MYOF: variants seen among roughly 807,000 people sequenced by gnomAD.
MYOF encodes the protein myoferlin, also known as fer-1-like 3, myoferlin.
Under a neutral mutation model 284.2 loss-of-function variants are expected in MYOF, and 244 were observed. That is an observed-to-expected ratio of 0.86 (90% confidence interval 0.77 to 0.95). MYOF has a LOEUF of 0.95. MYOF is among the 40% of genes least tolerant of loss of function. The pLI is 0.00. For missense variants in MYOF, 2,496 were observed against 2,560.6 expected (o/e 0.97, Z 0.54); for synonymous variants, 904 against 919.7 (o/e 0.98, Z 0.31).
At position 93,353,931 on chromosome 10, in the gene MYOF, T is replaced by C. The variant is rs181294990; in HGVS notation, c.3404-43A>G. On this transcript the variant is annotated intron_variant, in intron 31 of 53. Transcript: ENST00000359263. ...AGATTACTTACAAGAAGCGTAACACTGTAAACTGCTATTTTACTGGAATAT... is the reference window on the plus strand; with the variant it reads ...AGATTACTTACAAGAAGCGTAACACCGTAAACTGCTATTTTACTGGAATAT... 4.2e-4 allele frequency: 607 copies of C among 1,439,344 alleles called. 1 individual carries two copies. The highest frequency in any genetic ancestry group is 9.7e-5 in the Non-Finnish European group (102 of 1,046,670). 89.2% of individuals were successfully genotyped at this position (1,439,344 alleles called of 1,614,324 possible).
chr10:93,406,293 T>C lies in MYOF; in HGVS notation c.730-2074A>G, dbSNP rs750629845. On this transcript the variant is annotated intron_variant, in intron 7 of 53. Coordinates refer to ENST00000359263, the MANE Select transcript of MYOF (RefSeq NM_013451.4). ...ATTTTTTTAGTAAACCTCTTTTATA[T>C]ATATATATATATATATATATATATT... Among the ~76,000 whole-genome samples, 44 of 75,570 alleles carry C rather than the reference T, an allele frequency of 5.8e-4. 1 individual carries two copies. Among genetic ancestry groups the C allele is most frequent in the Non-Finnish European group, 1.0e-3 (34 of 32,736 alleles). 49.6% of individuals were successfully genotyped at this position (75,570 alleles called of 152,430 possible). A position where few individuals can be genotyped will look rare whatever the true frequency, so the allele number is the denominator to read the frequency against.
intron 48 of MYOF, 134 bp downstream of exon 48, chr10:93,322,944 T>C (rs1225681342): frequency 1.2e-6 from 1 of 848,740 alleles, no homozygotes; most frequent in Admixed American, 2.0e-5. Context: ...GCTACCTAAG[T>C]AGATCACATT....
intron 18 of MYOF, 131 bp downstream of exon 18, chr10:93,388,897 CTT>C: frequency 8.1e-7 from 1 of 1,233,812 alleles, no homozygotes; most frequent in East Asian, 2.6e-5. Context: ...TCTCCACAGT[CTT>C]TTCCTATCTT....
At chr10:93,462,306 G>A (rs11187437) in intron 1 of MYOF, among the ~76,000 whole-genome samples, 26,563 of 152,006 alleles carry the variant, frequency 0.17, 2,640 homozygotes, top group East Asian at 0.5. Flanking sequence ...CTGACCTCAA[G>A]TGATCCGCTC....
intron 6 of MYOF, 80 bp from the exon 7 acceptor site, chr10:93,408,995 C>T: frequency 6.3e-7 from 1 of 1,585,714 alleles, no homozygotes; most frequent in Non-Finnish European, 8.6e-7. Flanking sequence ...TGCTTCATTT[C>T]CTTCACCTAT....
chr10:93,328,796 A>G lies in MYOF; in HGVS notation c.5098T>C (p.Tyr1700His). 1 of 1,613,540 alleles carries G rather than the reference A, an allele frequency of 6.2e-7. No homozygotes were observed. Among genetic ancestry groups the G allele is most frequent in the Non-Finnish European group, 8.5e-7 (1 of 1,179,518 alleles). Residue 1700 changes from tyrosine to histidine, a missense_variant, in exon 45 of 54, where the codon TAT becomes CAT. By Grantham distance (83) the Tyr-to-His change is moderately conservative. Transcript: ENST00000359263. Reference protein sequence around the residue: ...ILSEDGSRIRYGGRDYSLDEF... With the variant: ...ILSEDGSRIRHGGRDYSLDEF... ...TCCAAGCTGTAGTCTCGTCCTCCAT[A>G]TCTGATTCTACTCCCATCTTCGGAA... is the stretch of plus-strand genomic sequence containing the variant.
At chr10:93,387,116 T>G (rs1846412518) in intron 19 of MYOF, among the ~76,000 whole-genome samples, 1 of 152,326 alleles carries the variant, frequency 6.6e-6, no homozygotes, top group Non-Finnish European at 1.5e-5. Context: ...AAACTGAAAG[T>G]GAAAGCTTTT....
intron 25 of MYOF, among the ~76,000 whole-genome samples, 189 bp downstream of exon 25, chr10:93,369,456 A>G (rs945070101): frequency 1.4e-4 from 21 of 152,312 alleles, no homozygotes; most frequent in African/African-American, 4.6e-4. Flanking sequence ...GTGTGTTCCA[A>G]TGTTGACTAT....
intron 46 of MYOF, among the ~76,000 whole-genome samples, chr10:93,325,581 T>G (rs538164393): frequency 2.6e-4 from 40 of 152,270 alleles, no homozygotes; most frequent in African/African-American, 8.2e-4. Context: ...GAGAAACAGA[T>G]GAGACACAGA....
chr10:93,338,392 T>G (rs773021172), intron 39 of MYOF: 1 of 456,690 alleles, frequency 2.2e-6, no homozygotes, highest in Non-Finnish European at 4.4e-6. Context: ...CTTTATGTTA[T>G]AAGCCATACC....
chr10:93,426,000 C>A (rs1848573642), intron 5 of MYOF, 71 bp downstream of exon 5: 3 of 1,437,390 alleles, frequency 2.1e-6, no homozygotes, highest in Admixed American at 4.0e-5. Flanking sequence ...AGGGTTTCTC[C>A]AGACACTCTC....
In MYOF at chr10:93,320,067, C is replaced by T. The variant is rs1842788768; in HGVS notation, c.5457-54G>A. On this transcript the variant is annotated intron_variant, in intron 48 of 53. Coordinates refer to ENST00000359263, the MANE Select transcript of MYOF (RefSeq NM_013451.4). The stretch of plus-strand genomic sequence containing the variant: ...TTCACGTGATTGACAAGTCATGTAG[C>T]CGCAAAATTGTGCAGTAATTAGGGG... 7 of 1,602,566 alleles carry T rather than the reference C, an allele frequency of 4.4e-6. No individual in the cohort carries two copies. The South Asian group carries it at 7.7e-5, about 18-fold the overall frequency.
At chr10:93,332,703 C>T (rs940719029) in intron 43 of MYOF, among the ~76,000 whole-genome samples, 13 of 151,794 alleles carry the variant, frequency 8.6e-5, no homozygotes, top group Admixed American at 1.3e-4. Context: ...AAAAATTAGC[C>T]GGGCGTGGTG....
At chr10:93,365,862 T>C (rs1331789994) in intron 26 of MYOF, among the ~76,000 whole-genome samples, 1 of 152,228 alleles carries the variant, frequency 6.6e-6, no homozygotes, top group Non-Finnish European at 1.5e-5. Flanking sequence ...CCTAGAGTTC[T>C]CTCATATAAC....
chr10:93,413,848 C>T (rs1252168194), intron 5 of MYOF, among the ~76,000 whole-genome samples: 1 of 151,842 alleles, frequency 6.6e-6, no homozygotes, highest in Non-Finnish European at 1.5e-5. Context: ...TAAAAACTAG[C>T]CGGGTGTGGT....
At chr10:93,394,649 AC>A (rs900956894) in intron 16 of MYOF, among the ~76,000 whole-genome samples, 3 of 147,034 alleles carry the variant, frequency 2.0e-5, no homozygotes, top group African/African-American at 7.5e-5. Context: ...TTTAATGGAG[AC>A]GGGGTTTCAC....
At chr10:93,332,704 G>T (rs1200013365) in intron 43 of MYOF, among the ~76,000 whole-genome samples, 1 of 151,868 alleles carries the variant, frequency 6.6e-6, no homozygotes, top group African/African-American at 2.4e-5. Flanking sequence ...AAAATTAGCC[G>T]GGCGTGGTGG....
intron 11 of MYOF, among the ~76,000 whole-genome samples, 199 bp downstream of exon 11, chr10:93,402,033 T>C (rs1021315973): frequency 1.3e-5 from 2 of 152,152 alleles, no homozygotes; most frequent in African/African-American, 4.8e-5. Flanking sequence ...TGCTCACTCA[T>C]AGACATCAGA....
At chr10:93,385,079 C>A (rs1284053188) in intron 19 of MYOF, among the ~76,000 whole-genome samples, 1 of 152,138 alleles carries the variant, frequency 6.6e-6, no homozygotes, top group Non-Finnish European at 1.5e-5. Context: ...AGAGAGAATG[C>A]AAGTGCATAG....
Sources: allele counts gnomAD v4.1 joint callset (sites outside exome capture counted in the v4.1 genomes callset), GRCh38; gene constraint gnomAD v4.1.1; transcripts MANE v1.5; gene names NCBI Gene and HGNC (gene_info 2026-07-23, HGNC 2026-07-21).